Variants in ERP27 observed in about 807,000 individuals in gnomAD.
ERP27 encodes the protein endoplasmic reticulum resident protein 27.
Under a neutral mutation model 27.7 loss-of-function variants are expected in ERP27, and 23 were observed. That is an observed-to-expected ratio of 0.83 (90% CI 0.60 to 1.18). ERP27 has a LOEUF of 1.18. ERP27 is among the 50% of genes most tolerant of loss of function. ERP27 has a pLI of 0.00. For missense variants in ERP27, 363 were observed against 327.9 expected (o/e 1.11, Z -0.83); for synonymous variants, 159 against 118.3 (o/e 1.34, Z -2.23).
At chr12:14,919,509 G>A (rs962128322) in intron 4 of ERP27, among the ~76,000 whole-genome samples, 1 of 152,120 alleles carries the variant, frequency 6.6e-6, no homozygotes, top group African/African-American at 2.4e-5. Context: ...TACCCCAGGG[G>A]CATATGTGTT....
In ERP27 at chr12:14,938,480, A is replaced by G; in HGVS notation, c.29T>C (p.Phe10Ser). 6.2e-7 allele frequency: 1 copy of G among 1,613,978 alleles called. No homozygotes were observed. The change falls in exon 1 of 7, where the codon TTC becomes TCC. Residue 10 changes from phenylalanine (F) to serine (S), a missense_variant. Physicochemically the swap from Phe to Ser is radical, Grantham distance 155. Transcript: ENST00000266397. ...CTCACACGTGAGGAGAAATAAGAGG[A>G]ACATGAACCTGGACGGGGCAGCTTC... MEAAPSRFM[F>S]LLFLLTCELA... is the part of the protein sequence containing the mutation.
In ERP27 at chr12:14,914,617, C is replaced by CGTGT; in HGVS notation, c.*114_*117dup. 3 of 785,698 alleles carry CGTGT rather than the reference C, an allele frequency of 3.8e-6. No homozygotes were observed. The highest frequency in any genetic ancestry group is 6.3e-6 in the Non-Finnish European group (3 of 477,910). The allele number at this position is 785,698 out of a possible 1,614,324, so 48.7% of individuals were successfully genotyped here. A position where few individuals can be genotyped will look rare whatever the true frequency, so the allele number is the denominator to read the frequency against. ...ACGCGTGCGTGCGTGTGTGCACGTGCGTGTGTGTGTGGTTGGCAGGCCTAG... is the reference window on the plus strand; with the variant it reads ...ACGCGTGCGTGCGTGTGTGCACGTGCGTGTGTGTGTGTGTGGTTGGCAGGCCTAG... On this transcript the variant is annotated 3_prime_UTR_variant, in exon 7 of 7. Transcript: ENST00000266397.
rs553696564 is a variant in ERP27, at chr12:14,915,897, C to T, written c.577-211G>A. The T allele has an allele frequency of 1.1e-4, 56 of 525,522 alleles. No individual in the cohort carries two copies. In the East Asian group the frequency reaches 1.7e-3, roughly 16 times the overall value. 32.6% of individuals were successfully genotyped at this position (525,522 alleles called of 1,614,324 possible). On this transcript the variant is annotated intron_variant, in intron 5 of 6. Transcript: ENST00000266397. ...CGTGGATGGGGCTGGAGGCTATTAT[C>T]CTTAGCAAACTAACACAGGAAGAGA... is the stretch of plus-strand genomic sequence containing the variant.
chr12:14,926,477 G>C (rs1863604527), intron 3 of ERP27, among the ~76,000 whole-genome samples: 1 of 152,106 alleles, frequency 6.6e-6, no homozygotes, highest in African/African-American at 2.4e-5. Flanking sequence ...TTTTCCATTG[G>C]TTCTATGTAT....
intron 3 of ERP27, among the ~76,000 whole-genome samples, chr12:14,928,497 C>A (rs1863644682): frequency 6.6e-6 from 1 of 152,158 alleles, no homozygotes; most frequent in South Asian, 2.1e-4. Flanking sequence ...TCTTCCAATC[C>A]ATTTGTTTCA....
intron 4 of ERP27, among the ~76,000 whole-genome samples, chr12:14,919,074 T>G (rs1398783902): frequency 6.6e-6 from 1 of 152,170 alleles, no homozygotes; most frequent in Non-Finnish European, 1.5e-5. Flanking sequence ...GCATTAAAAG[T>G]GCGTGGCAGG....
At chr12:14,928,963 A>C (rs2445371) in intron 3 of ERP27, 1,534,327 of 1,535,308 alleles carry the variant, frequency 1, 766,676 homozygotes, top group East Asian at 1. Flanking sequence ...CCAGCTGGCA[A>C]GTCTCCTTCA....
rs1054087155 is a variant in ERP27, at chr12:14,917,390, T to G, written c.451-87A>C. 1.9e-6 allele frequency: 3 copies of G among 1,569,000 alleles called. No homozygotes were observed. The African/African-American group carries it at 4.0e-5, about 21-fold the overall frequency. ...AAGGAGTGAATAGGTAGATTGAAAC[T>G]TAAATGAGAGCTGGCCACTGGTAAC... On this transcript the variant is annotated intron_variant, in intron 4 of 6. Transcript: ENST00000266397.
intron 4 of ERP27, among the ~76,000 whole-genome samples, chr12:14,919,300 T>C (rs1412040251): frequency 1.3e-5 from 2 of 152,284 alleles, no homozygotes; most frequent in Middle Eastern, 3.4e-3. Flanking sequence ...TCACTAATAA[T>C]ATGGAACTTA....
rs756463054 is a variant in ERP27 at position 14,917,280 on chromosome 12, G to A, written c.474C>T (p.Ser158=). The A allele has an allele frequency of 3.7e-5, 60 of 1,614,022 alleles. No homozygotes were observed. Among genetic ancestry groups the A allele is most frequent in the Middle Eastern group, 1.6e-4 (1 of 6,082 alleles). The change falls in exon 5 of 7, where the codon AGC becomes AGT. Residue 158 remains serine, a synonymous_variant. Coordinates refer to ENST00000266397, the MANE Select transcript of ERP27 (RefSeq NM_152321.4). ...NPVTVIGLFN[S]VIQIHLLLIM... ...TCAGGAGGAGATGAATCTGAATTAC[G>A]CTGTTGAATAACCCAATCACAGTCT... is the stretch of plus-strand genomic sequence containing the variant.
rs773504684 is a variant in ERP27 at position 14,915,551 on chromosome 12, C to CT, written c.711dup (p.Ala238SerfsTer13). On this transcript the variant is annotated frameshift_variant, in exon 6 of 7. Coordinates refer to ENST00000266397, the MANE Select transcript of ERP27 (RefSeq NM_152321.4). LOFTEE classifies it high-confidence loss of function. Reference sequence around the variant, plus strand: ...TGCACATGCTCTACGGAAACTTCTGCTGTGGGCAGTGTATCCCACTCGTCA... The same window carrying CT: ...TGCACATGCTCTACGGAAACTTCTGCTTGTGGGCAGTGTATCCCACTCGTCA... The CT allele has an allele frequency of 9.7e-5, 156 of 1,614,250 alleles. No homozygotes were observed. The highest frequency in any genetic ancestry group is 1.3e-4 in the Non-Finnish European group (153 of 1,180,034).
chr12:14,917,939 T>A (rs1308085244), intron 4 of ERP27, among the ~76,000 whole-genome samples: 1 of 152,232 alleles, frequency 6.6e-6, no homozygotes, highest in Non-Finnish European at 1.5e-5. Flanking sequence ...TTTGCAGCAA[T>A]AGACAACTAA....
chr12:14,937,992 A>T lies in ERP27; in HGVS notation c.155T>A (p.Phe52Tyr). ...GACAGCCACCTCAGTGGCAGCAATGAATTCCATGGCAGCTGGGACATCTGT... is the reference window on the plus strand; with the variant it reads ...GACAGCCACCTCAGTGGCAGCAATGTATTCCATGGCAGCTGGGACATCTGT... The part of the protein sequence containing the change: ...WLTDVPAAME[F>Y]IAATEVAVIG... The change falls in exon 2 of 7, where the codon TTC (phenylalanine) becomes TAC (tyrosine). Residue 52 changes from phenylalanine to tyrosine, a missense_variant. Phe to Tyr is a conservative substitution (Grantham distance 22). Transcript: ENST00000266397. 2 of 1,614,114 alleles carry T rather than the reference A, an allele frequency of 1.2e-6. No individual in the cohort carries two copies. The highest frequency in any genetic ancestry group is 1.7e-6 in the Non-Finnish European group (2 of 1,179,972).
chr12:14,938,311 C>A, intron 1 of ERP27, 104 bp downstream of exon 1: 1 of 1,226,140 alleles, frequency 8.2e-7, no homozygotes. Context: ...TCCTGGAAAG[C>A]TTTCTAGGTG....
intron 1 of ERP27, 148 bp from the exon 2 acceptor site, chr12:14,938,200 T>G (rs762892501): frequency 5.1e-6 from 4 of 787,284 alleles, no homozygotes; most frequent in Admixed American, 2.3e-5. Flanking sequence ...GCATAATATT[T>G]TTACTAACAT....
intron 3 of ERP27, among the ~76,000 whole-genome samples, chr12:14,921,395 G>A (rs1276969436): frequency 1.3e-5 from 2 of 152,182 alleles, no homozygotes; most frequent in African/African-American, 4.8e-5. Context: ...AACAGCATAT[G>A]AAAATACTGT....
intron 3 of ERP27, among the ~76,000 whole-genome samples, chr12:14,928,278 G>A (rs748212251): frequency 7.2e-5 from 11 of 152,142 alleles, no homozygotes; most frequent in Non-Finnish European, 1.5e-4. Flanking sequence ...GTTAGTTAAG[G>A]TAGGAGGGAA....
At chr12:14,917,450 T>A in intron 4 of ERP27, 147 bp from the exon 5 acceptor site, 1 of 1,112,238 alleles carries the variant, frequency 9.0e-7, no homozygotes, top group Non-Finnish European at 1.3e-6. Flanking sequence ...GGCTCTCAGT[T>A]AAGTCTTACC....
At chr12:14,932,713 G>A (rs552883461) in intron 3 of ERP27, among the ~76,000 whole-genome samples, 4 of 152,340 alleles carry the variant, frequency 2.6e-5, no homozygotes, top group Non-Finnish European at 5.9e-5. Flanking sequence ...GTAGTAAAAG[G>A]AGATCTGTTC....
Sources: allele counts gnomAD v4.1 joint callset (sites outside exome capture counted in the v4.1 genomes callset), GRCh38; gene constraint gnomAD v4.1.1; transcripts MANE v1.5; gene names NCBI Gene and HGNC (gene_info 2026-07-23, HGNC 2026-07-21).